TENM2: variants seen among roughly 807,000 people sequenced by gnomAD.
TENM2 encodes the protein teneurin transmembrane protein 2.
In TENM2, 52 loss-of-function variants were observed where a neutral mutation model predicts 245.2. That is an observed-to-expected ratio of 0.21 (90% CI 0.17 to 0.27). TENM2 has a LOEUF of 0.27. Among genes scored for constraint, TENM2 ranks in the 10% least tolerant of loss-of-function variants. The probability of loss-of-function intolerance (pLI) is 1.00; values close to 1 mark genes in which losing one functional copy is unlikely to be tolerated. For synonymous variants in TENM2, 1,363 were observed against 1,438.9 expected (o/e 0.95, Z 1.19); for missense variants, 3,046 against 3,666.8 (o/e 0.83, Z 4.37).
At chr5:168,102,049 G>GTTTTTT (rs1207863866) in intron 9 of TENM2, among the ~76,000 whole-genome samples, 5 of 106,356 alleles carry the variant, frequency 4.7e-5, no homozygotes, top group African/African-American at 1.4e-4. Context: ...TAGTTTTTTT[G>GTTTTTT]TTTTTGTGTG....
At chr5:168,020,385 G>A (rs1786038137) in intron 5 of TENM2, among the ~76,000 whole-genome samples, 1 of 152,166 alleles carries the variant, frequency 6.6e-6, no homozygotes, top group South Asian at 2.1e-4. Flanking sequence ...TGCTTCTTGT[G>A]GAAGTTAATT....
rs1233508223 is a variant in TENM2 at position 167,683,334 on chromosome 5, T to C, written c.503-192652T>C. On this transcript the variant is annotated intron_variant, in intron 2 of 28. Coordinates refer to ENST00000518659, the Ensembl canonical transcript of TENM2. The stretch of plus-strand genomic sequence containing the variant: ...TGGCTGCCATTTTTATATTAGTTTG[T>C]CCTAGTTGCTGAAAAGAAAGATGGC... Among the ~76,000 whole-genome samples, 3 of 152,064 alleles carry C rather than the reference T, an allele frequency of 2.0e-5. No homozygotes were observed. In the East Asian group the frequency reaches 5.8e-4, roughly 29 times the overall value.
chr5:167,761,194 C>T (rs944947521), intron 2 of TENM2, among the ~76,000 whole-genome samples: 56 of 152,148 alleles, frequency 3.7e-4, no homozygotes, highest in Admixed American at 1.4e-3. Context: ...CTGTCAGTTT[C>T]CTCTCCCCTG....
At chr5:168,171,332 GAAGTT>G in intron 13 of TENM2, among the ~76,000 whole-genome samples, 1 of 152,194 alleles carries the variant, frequency 6.6e-6, no homozygotes, top group Non-Finnish European at 1.5e-5. Context: ...AAAGGCTCAA[GAAGTT>G]AAGACTCAGA....
chr5:167,873,378 C>T (rs563666033), intron 2 of TENM2, among the ~76,000 whole-genome samples: 2 of 152,206 alleles, frequency 1.3e-5, no homozygotes, highest in Non-Finnish European at 2.9e-5. Flanking sequence ...TTTTTTCTCA[C>T]CATTCTGTTT....
intron 12 of TENM2, among the ~76,000 whole-genome samples, chr5:168,139,871 T>C (rs1358601878): frequency 6.6e-6 from 1 of 152,208 alleles, no homozygotes; most frequent in African/African-American, 2.4e-5. Flanking sequence ...AATTTTTCAG[T>C]AGAGGCCAGA....
chr5:167,070,410 T>G, the TENM2 span, among the ~76,000 whole-genome samples: 1 of 150,704 alleles, frequency 6.6e-6, no homozygotes, highest in African/African-American at 2.5e-5. Flanking sequence ...ATTATAGGCA[T>G]GAGCCACTGC....
the TENM2 span, among the ~76,000 whole-genome samples, chr5:167,203,261 T>C: frequency 3.3e-5 from 5 of 152,160 alleles, no homozygotes; most frequent in African/African-American, 1.2e-4. Flanking sequence ...CTTCCTAGTC[T>C]CCATTCCCAC....
chr5:168,100,433 C>T (rs575009739), intron 9 of TENM2, among the ~76,000 whole-genome samples: 94 of 136,502 alleles, frequency 6.9e-4, no homozygotes, highest in African/African-American at 2.0e-3. Context: ...CATATGCACA[C>T]GTATGTTTTA....
chr5:167,445,714 C>T (rs1765170300), intron 2 of TENM2, among the ~76,000 whole-genome samples: 2 of 152,138 alleles, frequency 1.3e-5, no homozygotes, highest in Non-Finnish European at 2.9e-5. Context: ...AGTCCACAGC[C>T]TGTGGTTTTC....
chr5:167,392,246 A>C (rs1041049667), intron 2 of TENM2, among the ~76,000 whole-genome samples: 2 of 152,136 alleles, frequency 1.3e-5, no homozygotes, highest in African/African-American at 4.8e-5. Flanking sequence ...ATATAATTGT[A>C]AACTAGTTTG....
chr5:167,585,486 A>G (rs920802368), intron 2 of TENM2, among the ~76,000 whole-genome samples: 4 of 152,216 alleles, frequency 2.6e-5, no homozygotes, highest in Admixed American at 6.5e-5. Context: ...AGAAATGATG[A>G]TGCAGAATAA....
At chr5:167,778,990 A>T (rs537917857) in intron 2 of TENM2, among the ~76,000 whole-genome samples, 2 of 152,330 alleles carry the variant, frequency 1.3e-5, no homozygotes, top group East Asian at 3.9e-4. Flanking sequence ...AACGCATATC[A>T]GGCTGTCACC....
chr5:167,151,770 G>T, the TENM2 span, among the ~76,000 whole-genome samples: 1 of 152,152 alleles, frequency 6.6e-6, no homozygotes, highest in Non-Finnish European at 1.5e-5. Context: ...ACCCGCCTCG[G>T]CCTCCCAAAA....
intron 2 of TENM2, among the ~76,000 whole-genome samples, chr5:167,436,448 A>T (rs1764560112): frequency 6.6e-6 from 1 of 152,304 alleles, no homozygotes; most frequent in Non-Finnish European, 1.5e-5. Context: ...ATTCAGTTTC[A>T]AAAGGGAGAC....
chr5:168,236,268 T>C lies in TENM2; in HGVS notation c.5520+8138T>C, dbSNP rs1009861373. On this transcript the variant is annotated intron_variant, in intron 25 of 28. Coordinates refer to ENST00000518659, the Ensembl canonical transcript of TENM2. The stretch of plus-strand genomic sequence containing the variant: ...AGTTCAGGTCAAAGGATAACAAATA[T>C]AGCTTATTCCGGTCATCTGGGCTGA... Among the ~76,000 whole-genome samples, 4 of 152,250 alleles carry C rather than the reference T, an allele frequency of 2.6e-5. No individual in the cohort carries two copies. In the East Asian group the frequency reaches 7.7e-4, roughly 29 times the overall value.
intron 6 of TENM2, among the ~76,000 whole-genome samples, chr5:168,047,989 T>G (rs1351321025): frequency 6.6e-6 from 1 of 152,166 alleles, no homozygotes; most frequent in Non-Finnish European, 1.5e-5. Context: ...CCAGGAGACA[T>G]GCAGCCTCCC....
At chr5:167,759,883 G>T (rs538025608) in intron 2 of TENM2, among the ~76,000 whole-genome samples, 1 of 132,754 alleles carries the variant, frequency 7.5e-6, no homozygotes, top group East Asian at 2.4e-4. Flanking sequence ...TAGCTCCGAA[G>T]TGTGAAATAA....
rs764440604 is a variant in TENM2, at chr5:168,248,216, C to T, written c.7277C>T (p.Thr2426Ile). ...CCCCTGACCAAGCTGGTCCACTTCA[C>T]TCAGCGTGATTATGATGTGCTGGCA... The change falls in exon 27 of 29, where the codon ACT (threonine) becomes ATT (isoleucine). Residue 2426 changes from threonine to isoleucine, a missense_variant. Thr to Ile is a moderately conservative substitution (Grantham distance 89). Around this residue, in one of 2 missense-constraint regions of TENM2, gnomAD observed 2,704 missense variants for 3,331.9 expected, o/e 0.81. Transcript: ENST00000518659. 20 of 1,614,054 alleles carry T rather than the reference C, an allele frequency of 1.2e-5. No individual in the cohort carries two copies. The Middle Eastern group carries it at 6.6e-4, about 53-fold the overall frequency.
Sources: allele counts gnomAD v4.1 joint callset (sites outside exome capture counted in the v4.1 genomes callset), GRCh38; gene constraint gnomAD v4.1.1; regional missense constraint gnomAD v4.1.1; transcripts MANE v1.5; gene names NCBI Gene and HGNC (gene_info 2026-07-23, HGNC 2026-07-21).